DENR: variants seen among roughly 807,000 people sequenced by gnomAD.
The protein encoded by DENR is density regulated re-initiation and release factor.
A neutral mutation model predicts 30.6 loss-of-function variants in DENR; 6 were observed. The observed-to-expected ratio is 0.20, with a 90% CI of 0.11 to 0.39. The LOEUF (loss-of-function observed/expected upper bound fraction) is 0.39. DENR is among the 10% of genes least tolerant of loss of function. DENR has a pLI of 1.00. For synonymous variants in DENR, 78 were observed against 72.1 expected (o/e 1.08, Z -0.41); for missense variants, 141 against 230.9 (o/e 0.61, Z 2.52).
chr12:122,754,734 T>A (rs1005044882), intron 2 of DENR, among the ~76,000 whole-genome samples: 2 of 152,202 alleles, frequency 1.3e-5, no homozygotes, highest in Non-Finnish European at 2.9e-5. Flanking sequence ...ACCTAATCAT[T>A]TTTTGAGCAG....
chr12:122,754,039 T>C (rs1878484067), intron 2 of DENR: 2 of 549,130 alleles, frequency 3.6e-6, no homozygotes, highest in Non-Finnish European at 6.6e-6. Flanking sequence ...TAACAGGATG[T>C]GCAACTAGGT....
intron 5 of DENR, 123 bp from the exon 6 acceptor site, chr12:122,767,365 G>A (rs1878877063): frequency 4.8e-6 from 3 of 621,762 alleles, no homozygotes; most frequent in African/African-American, 1.9e-5. Flanking sequence ...ATACTTGGAT[G>A]TGTTTAGTAA....
chr12:122,762,011 A>G (rs1192140667), intron 2 of DENR, among the ~76,000 whole-genome samples, 176 bp from the exon 3 acceptor site: 10 of 152,214 alleles, frequency 6.6e-5, no homozygotes, highest in Admixed American at 6.5e-4. Context: ...TCAAATAACC[A>G]TGTGCCTTTT....
At chr12:122,758,605 G>A (rs960615779) in intron 2 of DENR, among the ~76,000 whole-genome samples, 48 of 152,160 alleles carry the variant, frequency 3.2e-4, no homozygotes, top group African/African-American at 1.1e-3. Flanking sequence ...AGGAGTTTGA[G>A]ACCAGCCTGG....
intron 5 of DENR, 40 bp downstream of exon 5, chr12:122,765,427 C>A (rs75480045): frequency 6.8e-7 from 1 of 1,474,328 alleles, no homozygotes; most frequent in Admixed American, 2.1e-5. Flanking sequence ...ACAGTCATAC[C>A]GTCACTGCGA....
intron 2 of DENR, among the ~76,000 whole-genome samples, chr12:122,759,450 C>G (rs1878638659): frequency 6.6e-6 from 1 of 152,166 alleles, no homozygotes; most frequent in African/African-American, 2.4e-5. Flanking sequence ...CACAGTGGCT[C>G]ACACCTGTAA....
At chr12:122,754,038 G>A (rs1878483981) in intron 2 of DENR, 2 of 548,876 alleles carry the variant, frequency 3.6e-6, no homozygotes, top group Non-Finnish European at 3.3e-6. Context: ...GTAACAGGAT[G>A]TGCAACTAGG....
chr12:122,767,297 C>T (rs924202706), intron 5 of DENR, among the ~76,000 whole-genome samples, 191 bp from the exon 6 acceptor site: 46 of 152,298 alleles, frequency 3.0e-4, no homozygotes, highest in African/African-American at 6.5e-4. Context: ...TTTGTATCCT[C>T]GGCTCTTAGC....
intron 5 of DENR, among the ~76,000 whole-genome samples, chr12:122,767,216 G>A (rs1450012228): frequency 6.6e-6 from 1 of 152,184 alleles, no homozygotes. Flanking sequence ...GTATCAGGTT[G>A]CTGTAACTTC....
chr12:122,753,862 A>G, intron 2 of DENR, 55 bp downstream of exon 2: 13 of 1,357,762 alleles, frequency 9.6e-6, no homozygotes, highest in African/African-American at 1.4e-5. Context: ...TATGCATTGT[A>G]ATAACAGTTT....
chr12:122,766,771 C>T (rs1354843973), intron 5 of DENR, among the ~76,000 whole-genome samples: 2 of 152,138 alleles, frequency 1.3e-5, no homozygotes, highest in African/African-American at 4.8e-5. Flanking sequence ...TGCCTGTGGC[C>T]TAGTGGCCAT....
intron 6 of DENR, 80 bp from the exon 7 acceptor site, chr12:122,768,702 C>A (rs1174698439): frequency 3.2e-6 from 4 of 1,240,388 alleles, no homozygotes; most frequent in Admixed American, 2.8e-5. Context: ...TTTTAAAATG[C>A]AGATTAAATT....
At chr12:122,753,333 G>A (rs886305056) in intron 1 of DENR, among the ~76,000 whole-genome samples, 1 of 151,956 alleles carries the variant, frequency 6.6e-6, no homozygotes, top group African/African-American at 2.4e-5. Flanking sequence ...CGCCTTTGTA[G>A]CCCTTCTCTC....
intron 4 of DENR, among the ~76,000 whole-genome samples, chr12:122,763,653 A>G (rs1262844871): frequency 6.6e-6 from 1 of 152,216 alleles, no homozygotes; most frequent in African/African-American, 2.4e-5. Context: ...GTGAGCCGAG[A>G]TGGCACCATT....
intron 3 of DENR, 145 bp from the exon 4 acceptor site, chr12:122,762,700 T>C: frequency 1.6e-6 from 1 of 632,808 alleles, no homozygotes; most frequent in Non-Finnish European, 2.7e-6. Flanking sequence ...CGTGGTTGAA[T>C]ACAGATTTCC....
chr12:122,762,752 T>C lies in DENR; in HGVS notation c.127-93T>C, dbSNP rs1017787429. 6 of 833,318 alleles carry C rather than the reference T, an allele frequency of 7.2e-6. No individual in the cohort carries two copies. In the Admixed American group the frequency reaches 1.8e-4, roughly 25 times the overall value. 51.6% of individuals were successfully genotyped at this position (833,318 alleles called of 1,614,324 possible). ...GATGGGAGTGGTTTGTTTTATTCTT[T>C]GTATTAACAAGTATAGGGGGTGATT... On this transcript the variant is annotated intron_variant, in intron 3 of 7. Coordinates refer to ENST00000280557, the MANE Select transcript of DENR (RefSeq NM_003677.5).
rs1460379384 is a variant in DENR, at chr12:122,762,188, C to T, written c.108C>T (p.Val36=). 1.4e-6 allele frequency: 2 copies of T among 1,426,906 alleles called. No homozygotes were observed. The highest frequency in any genetic ancestry group is 9.5e-7 in the Non-Finnish European group (1 of 1,048,834). The allele number at this position is 1,426,906 out of a possible 1,614,324, so 88.4% of individuals were successfully genotyped here. ...DYPLRVLYCG[V]CSLPTEYCEY... ...TCTTTTTTCTTTTTACTTCCTCAGT[C>T]TGTTCATTACCAACAGAGGTAAGTT... The change falls in exon 3 of 8, where the codon GTC becomes GTT. Residue 36 remains valine (V), a splice_region_variant and synonymous_variant. Coordinates refer to ENST00000280557, the MANE Select transcript of DENR (RefSeq NM_003677.5).
In DENR at chr12:122,770,448, C is replaced by T. The variant is rs1420123617; in HGVS notation, c.*1370C>T. 8 of 394,976 alleles carry T rather than the reference C, an allele frequency of 2.0e-5. No individual in the cohort carries two copies. Among genetic ancestry groups the T allele is most frequent in the Non-Finnish European group, 3.6e-5 (8 of 224,482 alleles). 24.5% of individuals were successfully genotyped at this position (394,976 alleles called of 1,614,324 possible). A position where few individuals can be genotyped will look rare whatever the true frequency, so the allele number is the denominator to read the frequency against. ...TCATCATCTGCTCTGAGTGGAAGGC[C>T]GTTCAGAGAGGCTAGAGGTTCTTAT... On this transcript the variant is annotated 3_prime_UTR_variant, in exon 8 of 8. Transcript: ENST00000280557.
At chr12:122,759,515 G>A (rs547638067) in intron 2 of DENR, among the ~76,000 whole-genome samples, 1 of 152,256 alleles carries the variant, frequency 6.6e-6, no homozygotes, top group East Asian at 1.9e-4. Context: ...GAGGCCAGGA[G>A]TTCAAGACCA....
Sources: gnomAD v4.1 joint callset for allele counts (sites outside exome capture counted in the v4.1 genomes callset) on GRCh38, gnomAD v4.1.1 for gene constraint, MANE v1.5 for transcripts, NCBI Gene and HGNC (gene_info 2026-07-23, HGNC 2026-07-21) for gene names.